The following ACTG2 variants were observed in gnomAD, a reference collection of about 807,000 sequenced individuals.
ACTG2 encodes the protein actin gamma 2, smooth muscle.
Under a neutral mutation model 37.6 loss-of-function variants are expected in ACTG2, and 16 were observed. That is an observed-to-expected ratio of 0.43 (90% CI 0.29 to 0.65). ACTG2 has a LOEUF of 0.65. ACTG2 is among the 30% of genes least tolerant of loss of function. The probability of loss-of-function intolerance (pLI) is 0.18; values close to 1 mark genes in which losing one functional copy is unlikely to be tolerated. For synonymous variants in ACTG2, 181 were observed against 179.9 expected (o/e 1.01, Z -0.05); for missense variants, 238 against 490.9 (o/e 0.48, Z 4.87).
At chr2:73,904,777 G>GTATATATATATATATATATATA (rs199782884) in intron 3 of ACTG2, among the ~76,000 whole-genome samples, 1 of 42,608 alleles carries the variant, frequency 2.3e-5, no homozygotes, top group Non-Finnish European at 4.7e-5. Context: ...GTGTGTGTGT[G>GTATATATATATATATATATATA]TATATATATA....
chr2:73,901,257 T>C lies in ACTG2; in HGVS notation c.-36-19T>C, dbSNP rs1204540858. ...TTTGACAAGTGGCTGACTAGTTCTC[T>C]TCTCCCGCAAATCCCAAGGTGCTCC... On this transcript the variant is annotated intron_variant, in intron 1 of 8. Transcript: ENST00000345517. 2 of 1,494,224 alleles carry C rather than the reference T, an allele frequency of 1.3e-6. No individual in the cohort carries two copies. Among genetic ancestry groups the C allele is most frequent in the Non-Finnish European group, 1.8e-6 (2 of 1,113,880 alleles). The allele number at this position is 1,494,224 out of a possible 1,614,324, so 92.6% of individuals were successfully genotyped here. A position where few individuals can be genotyped will look rare whatever the true frequency, so the allele number is the denominator to read the frequency against.
chr2:73,895,360 T>A (rs1460029526), intron 1 of ACTG2, among the ~76,000 whole-genome samples: 2 of 152,202 alleles, frequency 1.3e-5, no homozygotes, highest in Non-Finnish European at 2.9e-5. Flanking sequence ...TCAGCAGAGT[T>A]GTTTTTAATT....
chr2:73,906,704 C>G (rs538090018), intron 3 of ACTG2, among the ~76,000 whole-genome samples: 1 of 152,254 alleles, frequency 6.6e-6, no homozygotes, highest in South Asian at 2.1e-4. Flanking sequence ...TCTCCAACCC[C>G]TGGGCTCAAG....
intron 5 of ACTG2, among the ~76,000 whole-genome samples, chr2:73,910,899 T>C (rs1028918805): frequency 1.3e-5 from 2 of 152,054 alleles, no homozygotes; most frequent in African/African-American, 4.8e-5. Context: ...TTCTACAAGC[T>C]TTTTTCTATT....
chr2:73,910,448 C>T (rs1190104854), intron 5 of ACTG2, among the ~76,000 whole-genome samples: 1 of 123,960 alleles, frequency 8.1e-6, no homozygotes, highest in African/African-American at 3.0e-5. Flanking sequence ...CTCATTGCAA[C>T]CTCTGTCTCC....
intron 5 of ACTG2, among the ~76,000 whole-genome samples, chr2:73,909,385 T>C (rs775602904): frequency 2.6e-5 from 4 of 152,210 alleles, no homozygotes; most frequent in Non-Finnish European, 5.9e-5. Context: ...CTTCTACACA[T>C]ACACACATTC....
At position 73,916,161 on chromosome 2, in the gene ACTG2, A is replaced by C. The variant is rs1462952374; in HGVS notation, c.806-423A>C. 2.6e-5 allele frequency among the ~76,000 whole-genome samples: 4 copies of C among 152,116 alleles called. No homozygotes were observed. In the East Asian group the frequency reaches 7.7e-4, roughly 29 times the overall value. ...GGGAGGCCGAGATGAGTGGATCACA[A>C]GGTCAGGAGATGGAGACCATCCTGG... On this transcript the variant is annotated intron_variant, in intron 7 of 8. Coordinates refer to ENST00000345517, the MANE Select transcript of ACTG2 (RefSeq NM_001615.4).
intron 7 of ACTG2, among the ~76,000 whole-genome samples, chr2:73,916,374 GAAAA>G (rs56292295): frequency 7.9e-6 from 1 of 127,098 alleles, no homozygotes. Flanking sequence ...CTCCATCTCA[GAAAA>G]AAAAAAAAAA....
intron 1 of ACTG2, among the ~76,000 whole-genome samples, chr2:73,896,123 C>T (rs568421629): frequency 6.6e-6 from 1 of 152,190 alleles, no homozygotes; most frequent in African/African-American, 2.4e-5. Flanking sequence ...AACTGGAGGC[C>T]AGGAGTTTGA....
chr2:73,901,642 G>A (rs1178075941), intron 2 of ACTG2: 2 of 935,394 alleles, frequency 2.1e-6, no homozygotes, highest in African/African-American at 3.8e-5. Flanking sequence ...GCCAGGTGTA[G>A]GGAGTTCTTT....
intron 1 of ACTG2, among the ~76,000 whole-genome samples, chr2:73,894,045 T>C (rs1487760075): frequency 6.6e-6 from 1 of 152,072 alleles, no homozygotes; most frequent in Non-Finnish European, 1.5e-5. Context: ...GGTGTGAGGA[T>C]TAAACGAGAG....
At chr2:73,896,554 A>G (rs901581912) in intron 1 of ACTG2, among the ~76,000 whole-genome samples, 1 of 152,102 alleles carries the variant, frequency 6.6e-6, no homozygotes, top group Non-Finnish European at 1.5e-5. Context: ...AAGGGGAACC[A>G]GGAGGGAGAA....
chr2:73,895,336 A>G (rs1270094638), intron 1 of ACTG2, among the ~76,000 whole-genome samples: 1 of 152,192 alleles, frequency 6.6e-6, no homozygotes, highest in Admixed American at 6.5e-5. Context: ...ATTGTGGAGG[A>G]TCCAAAATAT....
chr2:73,902,043 G>C (rs12105234), intron 2 of ACTG2, among the ~76,000 whole-genome samples: 7 of 128,438 alleles, frequency 5.5e-5, no homozygotes, highest in South Asian at 2.4e-4. Flanking sequence ...GTGTGTGTCT[G>C]TGTGTGTGTG....
intron 2 of ACTG2, 113 bp downstream of exon 2, chr2:73,901,550 GT>G: frequency 1.1e-5 from 1 of 94,482 alleles, no homozygotes; most frequent in Non-Finnish European, 1.7e-5. Context: ...GTGTGTGTGT[GT>G]GTGTGTGTGT....
chr2:73,900,195 CTGGGTTTT>C (rs1393036222), intron 1 of ACTG2, among the ~76,000 whole-genome samples: 1 of 152,208 alleles, frequency 6.6e-6, no homozygotes, highest in Non-Finnish European at 1.5e-5. Flanking sequence ...TCTCTTTTCT[CTGGGTTTT>C]TGGAAGTCTG....
At chr2:73,899,147 A>G (rs981560440) in intron 1 of ACTG2, among the ~76,000 whole-genome samples, 4 of 152,088 alleles carry the variant, frequency 2.6e-5, no homozygotes, top group South Asian at 4.1e-4. Context: ...AAACCCACAT[A>G]TAGGAATTCA....
intron 7 of ACTG2, among the ~76,000 whole-genome samples, chr2:73,915,770 G>T (rs1051440424): frequency 6.6e-6 from 1 of 152,076 alleles, no homozygotes; most frequent in Non-Finnish European, 1.5e-5. Context: ...TAAGTGAAAG[G>T]AGCCACACAC....
At chr2:73,894,758 C>T (rs1027172152) in intron 1 of ACTG2, among the ~76,000 whole-genome samples, 2 of 151,834 alleles carry the variant, frequency 1.3e-5, no homozygotes, top group Non-Finnish European at 2.9e-5. Flanking sequence ...AAAGAGGAAG[C>T]ATGGTCTTTG....
Sources: allele counts gnomAD v4.1 joint callset (sites outside exome capture counted in the v4.1 genomes callset), GRCh38; gene constraint gnomAD v4.1.1; transcripts MANE v1.5; gene names NCBI Gene and HGNC (gene_info 2026-07-23, HGNC 2026-07-21).